The following SUGCT variants were observed in gnomAD, a reference collection of about 807,000 sequenced individuals.
SUGCT encodes the protein succinyl-CoA:glutarate CoA-transferase.
Under a neutral mutation model 55.0 loss-of-function variants are expected in SUGCT, and 41 were observed. The observed-to-expected ratio is 0.74, with a 90% CI of 0.58 to 0.97. SUGCT has a LOEUF of 0.97. Among genes scored for constraint, SUGCT ranks in the 50% least tolerant of loss-of-function variants. The pLI is 0.00. For missense variants in SUGCT, 568 were observed against 547.8 expected, an observed-to-expected ratio of 1.04 and a Z score of -0.37; for synonymous variants, 187 against 200.4, an observed-to-expected ratio of 0.93 and a Z score of 0.56.
At chr7:40,969,546 G>A in the SUGCT span, among the ~76,000 whole-genome samples, 1 of 151,986 alleles carries the variant, frequency 6.6e-6, no homozygotes, top group African/African-American at 2.4e-5. Context: ...TGTACTGACG[G>A]GGGTCCCACT....
At chr7:40,353,725 C>T (rs1797751950) in intron 9 of SUGCT, among the ~76,000 whole-genome samples, 1 of 152,098 alleles carries the variant, frequency 6.6e-6, no homozygotes, top group African/African-American at 2.4e-5. Flanking sequence ...TAATATTACA[C>T]CATCTTAAGT....
chr7:40,705,163 A>T (rs1369135193), intron 12 of SUGCT, among the ~76,000 whole-genome samples: 3 of 152,108 alleles, frequency 2.0e-5, no homozygotes, highest in Non-Finnish European at 4.4e-5. Flanking sequence ...TTTATTTAAA[A>T]TTTATTTTGA....
intron 11 of SUGCT, among the ~76,000 whole-genome samples, chr7:40,472,392 T>C (rs1372241597): frequency 6.6e-6 from 1 of 152,150 alleles, no homozygotes; most frequent in African/African-American, 2.4e-5. Context: ...AAATGCTTAT[T>C]ACATCAGACT....
At chr7:40,688,125 T>C (rs1784543896) in intron 12 of SUGCT, among the ~76,000 whole-genome samples, 1 of 152,206 alleles carries the variant, frequency 6.6e-6, no homozygotes, top group Non-Finnish European at 1.5e-5. Context: ...CAATGGTCAG[T>C]AATTATTAGT....
intron 12 of SUGCT, among the ~76,000 whole-genome samples, chr7:40,629,951 C>T (rs376636253): frequency 2.0e-4 from 30 of 152,148 alleles, no homozygotes; most frequent in African/African-American, 6.7e-4. Flanking sequence ...TTTTTGAGGC[C>T]AATTTCATTG....
intron 1 of SUGCT, among the ~76,000 whole-genome samples, chr7:40,178,419 A>T (rs555293271): frequency 6.6e-6 from 1 of 152,280 alleles, no homozygotes; most frequent in Non-Finnish European, 1.5e-5. Context: ...CCGAGAAAGG[A>T]TGCATGAGAG....
At chr7:40,823,503 G>C (rs1308377518) in intron 13 of SUGCT, among the ~76,000 whole-genome samples, 1 of 152,036 alleles carries the variant, frequency 6.6e-6, no homozygotes, top group East Asian at 1.9e-4. Context: ...CGTTTCACAT[G>C]TGTACTCAGC....
At chr7:40,313,362 G>C (rs941143207) in intron 8 of SUGCT, among the ~76,000 whole-genome samples, 1 of 152,000 alleles carries the variant, frequency 6.6e-6, no homozygotes, top group Non-Finnish European at 1.5e-5. Context: ...CTTTTAATTT[G>C]TGCAAAATTT....
intron 8 of SUGCT, among the ~76,000 whole-genome samples, chr7:40,301,460 C>G (rs989045717): frequency 1.3e-5 from 2 of 152,150 alleles, no homozygotes; most frequent in African/African-American, 4.8e-5. Context: ...AGCGTAAACA[C>G]GTAACAAGTA....
At chr7:40,520,790 A>G (rs914681956) in intron 12 of SUGCT, among the ~76,000 whole-genome samples, 13 of 152,132 alleles carry the variant, frequency 8.5e-5, no homozygotes, top group Admixed American at 2.0e-4. Flanking sequence ...AATTGGCAGC[A>G]CATCCATGTG....
At chr7:40,915,070 G>C in the SUGCT span, among the ~76,000 whole-genome samples, 1 of 152,140 alleles carries the variant, frequency 6.6e-6, no homozygotes, top group Admixed American at 6.5e-5. Flanking sequence ...ATTAGAATGT[G>C]GGGCTAACTT....
intron 12 of SUGCT, among the ~76,000 whole-genome samples, chr7:40,498,125 C>T (rs1243193729): frequency 2.0e-5 from 3 of 152,008 alleles, no homozygotes; most frequent in African/African-American, 7.3e-5. Flanking sequence ...AGCCAGTTTC[C>T]AAAATGGAGA....
the SUGCT span, among the ~76,000 whole-genome samples, chr7:40,869,047 T>G: frequency 6.6e-6 from 1 of 152,138 alleles, no homozygotes; most frequent in African/African-American, 2.4e-5. Context: ...TCTATAAACA[T>G]TATTCAAATT....
In SUGCT at chr7:40,207,554, C is replaced by T. The variant is rs560078294; in HGVS notation, c.484+12494C>T. ...CACGGAAGCTGGGCGTGGTGGTTCA[C>T]GCCTGTAATCCCAGCACTTTGGGAG... On this transcript the variant is annotated intron_variant, in intron 6 of 13. Coordinates refer to ENST00000335693, the MANE Select transcript of SUGCT (RefSeq NM_001193313.2). Among the ~76,000 whole-genome samples the T allele has an allele frequency of 6.6e-5, 10 of 152,198 alleles. No homozygotes were observed. In the East Asian group the frequency reaches 1.4e-3, roughly 21 times the overall value.
At chr7:40,935,861 A>T in the SUGCT span, among the ~76,000 whole-genome samples, 2 of 152,202 alleles carry the variant, frequency 1.3e-5, no homozygotes, top group Non-Finnish European at 2.9e-5. Context: ...TAATCTCACC[A>T]GCAGTTTATA....
At chr7:40,575,606 A>G (rs1796697939) in intron 12 of SUGCT, among the ~76,000 whole-genome samples, 1 of 152,096 alleles carries the variant, frequency 6.6e-6, no homozygotes, top group South Asian at 2.1e-4. Flanking sequence ...AAAAAAAAAA[A>G]AGCTAAAAAT....
intron 8 of SUGCT, among the ~76,000 whole-genome samples, chr7:40,292,739 T>C (rs957117481): frequency 2.6e-5 from 4 of 152,208 alleles, no homozygotes; most frequent in African/African-American, 9.7e-5. Context: ...TAGTCAGATA[T>C]GTTTTGTCAG....
intron 12 of SUGCT, among the ~76,000 whole-genome samples, chr7:40,595,941 CT>C (rs1797990194): frequency 6.6e-6 from 1 of 152,150 alleles, no homozygotes; most frequent in Non-Finnish European, 1.5e-5. Context: ...AAAACATGTC[CT>C]ATTTAATTGG....
intron 12 of SUGCT, among the ~76,000 whole-genome samples, chr7:40,620,698 C>T (rs1167706117): frequency 2.0e-5 from 3 of 152,094 alleles, no homozygotes; most frequent in Non-Finnish European, 2.9e-5. Flanking sequence ...CCACCACGCC[C>T]GGCCAATAAC....
Sources: allele counts gnomAD v4.1 joint callset (sites outside exome capture counted in the v4.1 genomes callset), GRCh38; gene constraint gnomAD v4.1.1; transcripts MANE v1.5; gene names NCBI Gene and HGNC (gene_info 2026-07-23, HGNC 2026-07-21).